ZNF493: variants seen among roughly 807,000 people sequenced by gnomAD.
The protein encoded by ZNF493 is zinc finger protein 493.
A neutral mutation model predicts 12.2 loss-of-function variants in ZNF493; 11 were observed. The observed-to-expected ratio is 0.90, with a 90% CI of 0.57 to 1.50. The LOEUF is 1.50. Among genes scored for constraint, ZNF493 ranks in the 40% most tolerant of loss-of-function variants. The pLI is 0.00. For synonymous variants in ZNF493, 286 were observed against 302.6 expected (o/e 0.95, Z 0.57); for missense variants, 950 against 906.6 (o/e 1.05, Z -0.61).
chr19:21,419,469 C>G (rs1168185247), intron 3 of ZNF493, among the ~76,000 whole-genome samples: 12 of 152,134 alleles, frequency 7.9e-5, no homozygotes, highest in Non-Finnish European at 4.4e-5. Context: ...GAGAGTCAGT[C>G]TGAGTCCCAA....
intron 1 of ZNF493, among the ~76,000 whole-genome samples, chr19:21,404,790 A>G (rs1190042991): frequency 2.6e-5 from 4 of 152,204 alleles, no homozygotes; most frequent in African/African-American, 9.6e-5. Context: ...CTAACTCAAC[A>G]TATCTTTTGT....
rs1483059991 is a variant in ZNF493, at chr19:21,423,289, C to A, written c.630C>A (p.Tyr210Ter). 1.9e-6 allele frequency: 3 copies of A among 1,613,786 alleles called. No homozygotes were observed. The highest frequency in any genetic ancestry group is 2.2e-5 in the South Asian group (2 of 91,050). The change falls in exon 4 of 4, where the codon TAC becomes TAA. Residue 210 changes from tyrosine to a stop codon, truncating the protein, a stop_gained. Coordinates refer to ENST00000392288, the MANE Select transcript of ZNF493 (RefSeq NM_001076678.3). LOFTEE classifies it low-confidence loss of function (END_TRUNC). Reference sequence around the variant, plus strand: ...GAATTCATATTAGAGAGAATTCTTACCGATGTGAAGAATGTGGCAAAGCCT... The same window carrying A: ...GAATTCATATTAGAGAGAATTCTTAACGATGTGAAGAATGTGGCAAAGCCT... ...HKRIHIRENSYRCEECGKAFI... is the reference protein window; with the variant it reads ...HKRIHIRENS
intron 3 of ZNF493, chr19:21,413,575 A>C (rs745646212): frequency 1.3e-4 from 51 of 407,922 alleles, no homozygotes; most frequent in Middle Eastern, 5.9e-4. Flanking sequence ...CAATCTTGAC[A>C]TGGCTGCAAC....
chr19:21,405,369 G>C (rs754778624), intron 2 of ZNF493, 114 bp downstream of exon 2: 2 of 1,501,674 alleles, frequency 1.3e-6, no homozygotes, highest in East Asian at 2.3e-5. Flanking sequence ...TCTGGTGCCT[G>C]TTTTAAAGAA....
At chr19:21,414,990 C>T (rs748221420) in intron 3 of ZNF493, among the ~76,000 whole-genome samples, 16 of 152,260 alleles carry the variant, frequency 1.1e-4, no homozygotes, top group East Asian at 3.9e-4. Flanking sequence ...TTTGTACCTT[C>T]GTGAGAGAGA....
intron 3 of ZNF493, chr19:21,408,866 A>ATTCTTTCT (rs1245179760): frequency 5.2e-6 from 4 of 765,034 alleles, no homozygotes; most frequent in Middle Eastern, 6.7e-4. Context: ...TCTTGTATAT[A>ATTCTTTCT]TTCTTTCTTT....
intron 3 of ZNF493, among the ~76,000 whole-genome samples, chr19:21,409,997 C>T (rs182219465): frequency 1.2e-3 from 183 of 148,476 alleles, no homozygotes; most frequent in African/African-American, 4.4e-3. Context: ...ATAATATTTG[C>T]AAAGTTTATC....
Position 21,422,978 on chromosome 19 carries a change from G to A in ZNF493, c.319G>A (p.Val107Met), listed in dbSNP as rs969988324. ...AGGCATTAAAGATTCTTTTCAAAAAGTGATACTGAGAGAATATGTAAAATG... is the reference window on the plus strand; with the variant it reads ...AGGCATTAAAGATTCTTTTCAAAAAATGATACTGAGAGAATATGTAAAATG... ...GPGIKDSFQK[V>M]ILREYVKCGH... Residue 107 changes from valine (V) to methionine (M), a missense_variant, in exon 4 of 4, where the codon GTG becomes ATG. Val to Met is a conservative substitution (Grantham distance 21). Transcript: ENST00000392288. 6.2e-6 allele frequency: 10 copies of A among 1,604,326 alleles called. No homozygotes were observed. Among genetic ancestry groups the A allele is most frequent in the African/African-American group, 1.3e-5 (1 of 74,600 alleles).
At chr19:21,419,713 A>G (rs1007145043) in intron 3 of ZNF493, among the ~76,000 whole-genome samples, 9 of 152,214 alleles carry the variant, frequency 5.9e-5, no homozygotes, top group African/African-American at 2.2e-4. Flanking sequence ...CCCAGGATCA[A>G]TACTTTGCAT....
intron 3 of ZNF493, among the ~76,000 whole-genome samples, chr19:21,415,188 T>C (rs1294058100): frequency 6.6e-6 from 1 of 152,154 alleles, no homozygotes; most frequent in Non-Finnish European, 1.5e-5. Context: ...TTGAAAAAAT[T>C]AGCAAATCTA....
At position 21,422,996 on chromosome 19, in the gene ZNF493, G is replaced by T; in HGVS notation, c.337G>T (p.Val113Leu). ...TCAAAAAGTGATACTGAGAGAATATGTAAAATGTGGACATAAGGATTTACA... is the reference window on the plus strand; with the variant it reads ...TCAAAAAGTGATACTGAGAGAATATTTAAAATGTGGACATAAGGATTTACA... ...SFQKVILREY[V>L]KCGHKDLQLR... The change falls in exon 4 of 4, where the codon GTA (valine) becomes TTA (leucine). Residue 113 changes from valine (V) to leucine (L), a missense_variant. Physicochemically the swap from Val to Leu is conservative, Grantham distance 32. Transcript: ENST00000392288. 6.2e-7 allele frequency: 1 copy of T among 1,610,846 alleles called. No homozygotes were observed. Among genetic ancestry groups the T allele is most frequent in the Non-Finnish European group, 8.5e-7 (1 of 1,178,946 alleles).
At chr19:21,402,894 G>A (rs753913828) in intron 1 of ZNF493, among the ~76,000 whole-genome samples, 1 of 152,180 alleles carries the variant, frequency 6.6e-6, no homozygotes, top group Non-Finnish European at 1.5e-5. Flanking sequence ...TAATGGAGTA[G>A]AGTATTCTTG....
intron 1 of ZNF493, among the ~76,000 whole-genome samples, chr19:21,404,868 T>C (rs942426527): frequency 1.2e-4 from 18 of 151,974 alleles, no homozygotes; most frequent in Non-Finnish European, 2.4e-4. Context: ...ATGTTTGTGT[T>C]TATGCCTTTA....
chr19:21,408,744 G>T, intron 3 of ZNF493: 1 of 984,836 alleles, frequency 1.0e-6, no homozygotes, highest in Non-Finnish European at 1.2e-6. Flanking sequence ...AATTCTGTCT[G>T]TATACTTTAT....
chr19:21,413,208 G>C (rs947422099), intron 3 of ZNF493: 1 of 346,954 alleles, frequency 2.9e-6, no homozygotes, highest in Non-Finnish European at 5.2e-6. Flanking sequence ...TTTACAAATA[G>C]GTTTTTGAGG....
chr19:21,402,578 G>T (rs1351174337), intron 1 of ZNF493, among the ~76,000 whole-genome samples: 3 of 152,144 alleles, frequency 2.0e-5, no homozygotes, highest in Admixed American at 6.5e-5. Context: ...ATAGGGTCAG[G>T]CCTCTGCCTG....
At chr19:21,418,486 C>A (rs191461691) in intron 3 of ZNF493, among the ~76,000 whole-genome samples, 3 of 152,152 alleles carry the variant, frequency 2.0e-5, no homozygotes, top group African/African-American at 7.2e-5. Context: ...AACCATCACT[C>A]CACTGACCTT....
At position 21,423,803 on chromosome 19, in the gene ZNF493, T is replaced by C. The variant is rs140782684; in HGVS notation, c.1144T>C (p.Cys382Arg). The C allele has an allele frequency of 2.6e-4, 412 of 1,613,306 alleles. No homozygotes were observed. The highest frequency in any genetic ancestry group is 1.8e-3 in the Middle Eastern group (11 of 6,058). Residue 382 changes from cysteine to arginine, a missense_variant, in exon 4 of 4, where the codon TGT becomes CGT. By Grantham distance (180) the Cys-to-Arg change is radical (BLOSUM62 -3). Transcript: ENST00000392288. ...AGAGAAACCCTACAAATGTGAAGAA[T>C]GTGGCAAAGCCTTTAGTATTTTCTC... is the stretch of plus-strand genomic sequence containing the variant. ...TGEKPYKCEE[C>R]GKAFSIFSTL...
intron 3 of ZNF493, chr19:21,412,985 TATC>T (rs2030373639): frequency 2.6e-6 from 1 of 388,646 alleles, no homozygotes; most frequent in African/African-American, 2.1e-5. Flanking sequence ...CCATACTTCT[TATC>T]ATTTCTATCA....
Sources: allele counts gnomAD v4.1 joint callset (sites outside exome capture counted in the v4.1 genomes callset), GRCh38; gene constraint gnomAD v4.1.1; transcripts MANE v1.5; gene names NCBI Gene and HGNC (gene_info 2026-07-23, HGNC 2026-07-21).